Variants in LUZP2 observed in about 807,000 individuals in gnomAD.
LUZP2 encodes leucine zipper protein 2.
A neutral mutation model predicts 51.6 loss-of-function variants in LUZP2; 52 were observed. The observed-to-expected ratio is 1.01, with a 90% CI of 0.81 to 1.27. The LOEUF (loss-of-function observed/expected upper bound fraction) is 1.27. LUZP2 is among the 50% of genes most tolerant of loss of function. The pLI is 0.00. For missense variants in LUZP2, 436 were observed against 395.4 expected, an observed-to-expected ratio of 1.10 and a Z score of -0.87; for synonymous variants, 154 against 137.3, an observed-to-expected ratio of 1.12 and a Z score of -0.85.
At chr11:24,635,909 G>A (rs894058318) in intron 1 of LUZP2, among the ~76,000 whole-genome samples, 5 of 152,102 alleles carry the variant, frequency 3.3e-5, no homozygotes, top group African/African-American at 1.2e-4. Flanking sequence ...GTGACTCTGC[G>A]GAATAACAGC....
chr11:24,987,873 A>G (rs1358709933), intron 9 of LUZP2, among the ~76,000 whole-genome samples: 1 of 151,952 alleles, frequency 6.6e-6, no homozygotes, highest in Non-Finnish European at 1.5e-5. Context: ...CCTAGGCGGC[A>G]TCTTCAAATT....
chr11:24,730,433 A>C (rs1366627372), intron 2 of LUZP2, among the ~76,000 whole-genome samples: 1 of 151,688 alleles, frequency 6.6e-6, no homozygotes. Flanking sequence ...TACACAACCC[A>C]GTAGGACACA....
intron 5 of LUZP2, among the ~76,000 whole-genome samples, chr11:24,896,530 G>A (rs944860653): frequency 6.6e-6 from 1 of 152,134 alleles, no homozygotes; most frequent in African/African-American, 2.4e-5. Flanking sequence ...TGCCCCAGGG[G>A]GCAGGGCTCA....
intron 4 of LUZP2, among the ~76,000 whole-genome samples, chr11:24,754,785 T>G (rs1420158306): frequency 2.0e-5 from 3 of 152,166 alleles, no homozygotes; most frequent in African/African-American, 7.2e-5. Context: ...ACATCTGCAA[T>G]TACTCAGTAG....
chr11:24,852,223 G>A (rs539908507), intron 5 of LUZP2, among the ~76,000 whole-genome samples: 25 of 152,036 alleles, frequency 1.6e-4, no homozygotes, highest in Middle Eastern at 3.4e-3. Context: ...GCCCTTTCTC[G>A]CTTTCTCCTG....
At chr11:25,022,690 C>A (rs1336574623) in intron 9 of LUZP2, among the ~76,000 whole-genome samples, 1 of 151,940 alleles carries the variant, frequency 6.6e-6, no homozygotes, top group Non-Finnish European at 1.5e-5. Context: ...AATCTGTGTT[C>A]CTAAATCAAT....
chr11:24,970,396 A>G (rs1252758181), intron 7 of LUZP2, among the ~76,000 whole-genome samples: 2 of 152,198 alleles, frequency 1.3e-5, no homozygotes, highest in Non-Finnish European at 2.9e-5. Flanking sequence ...AAAGTAAGGT[A>G]TAGTTTTATA....
At chr11:24,869,174 G>T (rs1281550353) in intron 5 of LUZP2, among the ~76,000 whole-genome samples, 1 of 152,094 alleles carries the variant, frequency 6.6e-6, no homozygotes, top group African/African-American at 2.4e-5. Flanking sequence ...AAGCAAGTGA[G>T]AGGACATTTT....
chr11:24,732,029 C>A (rs1480900457), intron 2 of LUZP2, 89 bp from the exon 3 acceptor site: 5 of 863,950 alleles, frequency 5.8e-6, no homozygotes, highest in African/African-American at 5.1e-5. Context: ...GGCATATGTG[C>A]AGTCCTATCT....
chr11:24,790,583 C>A (rs1197704150), intron 5 of LUZP2, among the ~76,000 whole-genome samples: 1 of 152,036 alleles, frequency 6.6e-6, no homozygotes, highest in Non-Finnish European at 1.5e-5. Flanking sequence ...CTCACTGCAA[C>A]CTCTGCCTCG....
chr11:24,694,115 G>A (rs1276347777), intron 1 of LUZP2, among the ~76,000 whole-genome samples: 1 of 151,992 alleles, frequency 6.6e-6, no homozygotes, highest in African/African-American at 2.4e-5. Flanking sequence ...TTCACTCTAA[G>A]TAAAAGGCAA....
intron 1 of LUZP2, among the ~76,000 whole-genome samples, chr11:24,545,910 A>G (rs1412404859): frequency 6.6e-6 from 1 of 152,072 alleles, no homozygotes. Context: ...GATTCTTCCT[A>G]TCCATGAGCA....
intron 10 of LUZP2, among the ~76,000 whole-genome samples, chr11:25,053,092 A>C (rs1200632101): frequency 6.6e-6 from 1 of 152,136 alleles, no homozygotes; most frequent in African/African-American, 2.4e-5. Context: ...AGGAACCTGA[A>C]TCTAGGCAAT....
chr11:24,610,279 T>C (rs910359124), intron 1 of LUZP2, among the ~76,000 whole-genome samples: 1 of 152,162 alleles, frequency 6.6e-6, no homozygotes, highest in African/African-American at 2.4e-5. Flanking sequence ...AAAGTTGCTA[T>C]AGTAAATTAT....
chr11:24,769,398 A>G (rs979728661), intron 5 of LUZP2, among the ~76,000 whole-genome samples: 1 of 152,170 alleles, frequency 6.6e-6, no homozygotes, highest in Non-Finnish European at 1.5e-5. Context: ...GAATGTTCTC[A>G]CCACAAGGAA....
At chr11:25,044,255 G>GTATATATATATATA (rs1297961732) in intron 9 of LUZP2, among the ~76,000 whole-genome samples, 2 of 42,378 alleles carry the variant, frequency 4.7e-5, no homozygotes, top group Non-Finnish European at 8.2e-5. Flanking sequence ...GTGTGTGTGT[G>GTATATATATATATA]TGTATATATA....
chr11:24,830,319 T>C (rs547967808), intron 5 of LUZP2, among the ~76,000 whole-genome samples: 43 of 152,334 alleles, frequency 2.8e-4, no homozygotes, highest in African/African-American at 9.6e-4. Context: ...TCCCCATTTT[T>C]GAGCTAAGTT....
intron 1 of LUZP2, among the ~76,000 whole-genome samples, chr11:24,508,460 A>C (rs1850204839): frequency 6.6e-6 from 1 of 152,198 alleles, no homozygotes; most frequent in South Asian, 2.1e-4. Flanking sequence ...TGGTAAAAGA[A>C]AAATAATCAT....
intron 5 of LUZP2, among the ~76,000 whole-genome samples, chr11:24,782,253 C>T (rs1849115900): frequency 6.6e-6 from 1 of 151,984 alleles, no homozygotes; most frequent in African/African-American, 2.4e-5. Flanking sequence ...TCAAGAGTAA[C>T]CTTTGTAGCA....
Sources: gnomAD v4.1 joint callset for allele counts (sites outside exome capture counted in the v4.1 genomes callset) on GRCh38, gnomAD v4.1.1 for gene constraint, MANE v1.5 for transcripts, NCBI Gene and HGNC (gene_info 2026-07-23, HGNC 2026-07-21) for gene names.